Variants in FAM53A observed in about 807,000 individuals in gnomAD.
FAM53A encodes the protein protein FAM53A.
FAM53A carries 28 observed loss-of-function variants against 26.6 expected under a neutral mutation model. The observed-to-expected ratio is 1.05, with a 90% CI of 0.78 to 1.45. FAM53A has a LOEUF of 1.45. Among genes scored for constraint, FAM53A ranks in the 40% most tolerant of loss-of-function variants. The pLI, the probability that FAM53A is intolerant of heterozygous loss-of-function variation, is 0.00. For synonymous variants in FAM53A, 290 were observed against 253.1 expected (o/e 1.15, Z -1.38); for missense variants, 650 against 575.8 (o/e 1.13, Z -1.32).
At chr4:1,599,007 C>T in the FAM53A span, among the ~76,000 whole-genome samples, 1 of 152,270 alleles carries the variant, frequency 6.6e-6, no homozygotes, top group African/African-American at 2.4e-5. This position sits in a 1 kb window ranked among gnomAD's most constrained non-coding sequence, Gnocchi z 6.1. Flanking sequence ...CGTGCGGGTG[C>T]AGCACCGCGT....
intron 2 of FAM53A, among the ~76,000 whole-genome samples, chr4:1,663,169 G>A (rs1713980842): frequency 6.7e-6 from 1 of 149,852 alleles, no homozygotes; most frequent in Non-Finnish European, 1.5e-5. Flanking sequence ...TCCAGCCTGG[G>A]CGAAAGAGCC....
intron 2 of FAM53A, among the ~76,000 whole-genome samples, chr4:1,660,057 A>T (rs908170617): frequency 1.3e-5 from 2 of 151,792 alleles, no homozygotes; most frequent in African/African-American, 4.8e-5. Flanking sequence ...GCACGGCGGG[A>T]GGATCGCTTG....
intron 1 of FAM53A, among the ~76,000 whole-genome samples, chr4:1,677,270 C>T (rs1013870481): frequency 2.6e-5 from 4 of 152,232 alleles, no homozygotes; most frequent in African/African-American, 7.2e-5. Flanking sequence ...CCAGAGACCA[C>T]GTCCTTCCAG....
rs986994893 is a variant in FAM53A, at chr4:1,659,308, T to G, written c.76-1840A>C. ...AAGGCTTTCACGCCACAGGGACCCT[T>G]GTTGCTGTCGATCCTCCCAGCCCCG... On this transcript the variant is annotated intron_variant, in intron 2 of 4. Transcript: ENST00000308132. This position sits in a 1 kb window ranked among gnomAD's most constrained non-coding sequence, Gnocchi z 5.2. Among the ~76,000 whole-genome samples the G allele has an allele frequency of 6.6e-6, 1 of 152,230 alleles. No individual in the cohort carries two copies. The highest frequency in any genetic ancestry group is 2.4e-5 in the African/African-American group (1 of 41,458).
chr4:1,662,468 A>G (rs1242693858), intron 2 of FAM53A, among the ~76,000 whole-genome samples: 2 of 138,910 alleles, frequency 1.4e-5, no homozygotes, highest in Non-Finnish European at 3.1e-5. Context: ...AACAAGGGCA[A>G]GATTCCATCA....
downstream of FAM53A, among the ~76,000 whole-genome samples, chr4:1,637,610 G>C (rs1029965551): frequency 3.3e-5 from 5 of 151,618 alleles, no homozygotes; most frequent in Non-Finnish European, 7.4e-5. Context: ...CCCCAGGAGA[G>C]GGGGAGGGCT....
intron 1 of FAM53A, among the ~76,000 whole-genome samples, chr4:1,631,692 T>TAA (rs200717362): frequency 6.6e-6 from 1 of 151,040 alleles, no homozygotes; most frequent in African/African-American, 2.4e-5. Flanking sequence ...TTCAAGAAGC[T>TAA]AAAAAAAACA....
intron 1 of FAM53A, among the ~76,000 whole-genome samples, chr4:1,680,550 A>G (rs922218599): frequency 3.3e-5 from 5 of 152,182 alleles, no homozygotes; most frequent in African/African-American, 2.4e-5. Context: ...TGTATCCATA[A>G]GTGCCAAAAC....
At chr4:1,598,481 G>A in the FAM53A span, among the ~76,000 whole-genome samples, 1 of 152,250 alleles carries the variant, frequency 6.6e-6, no homozygotes, top group African/African-American at 2.4e-5. Context: ...GAGAAAGGAA[G>A]TGGGTAAGAC....
Position 1,625,170 on chromosome 4 carries a change from C to T in FAM53A, c.432-7059G>A, listed in dbSNP as rs534945779. On this transcript the variant is annotated intron_variant, in intron 1 of 1. Transcript: ENST00000489029. ...TCAGAAGGCCCCACGTCCCGGCCCA[C>T]GTGGTCAGGGGTCACACCAGGTGAT... Among the ~76,000 whole-genome samples the T allele has an allele frequency of 8.7e-3, 265 of 30,522 alleles. 17 individuals carry two copies. The highest frequency in any genetic ancestry group is 0.079 in the African/African-American group (223 of 2,814). The allele number at this position is 30,522 out of a possible 152,430, so 20.0% of individuals were successfully genotyped here.
rs1250128178 is a variant in FAM53A, at chr4:1,684,265, G to A, written c.-197C>T. 3 of 151,106 alleles carry A rather than the reference G, an allele frequency of 2.0e-5. No individual in the cohort carries two copies. The highest frequency in any genetic ancestry group is 1.9e-4 in the South Asian group (1 of 5,154). The allele number at this position is 151,106 out of a possible 1,614,324, so 9.4% of individuals were successfully genotyped here. On this transcript the variant is annotated 5_prime_UTR_variant, in exon 1 of 5. Transcript: ENST00000308132. ...CGGCCGCGGGGGTGCGGAGCGAGAA[G>A]ACTGCCGGCCGCCCAGGCCCCGCTC...
intron 1 of FAM53A, among the ~76,000 whole-genome samples, chr4:1,620,469 T>G (rs1464874773): frequency 6.6e-6 from 1 of 151,794 alleles, no homozygotes; most frequent in Non-Finnish European, 1.5e-5. Flanking sequence ...ACTGGCTGCA[T>G]ACAAAACACC....
chr4:1,603,095 C>A, the FAM53A span, among the ~76,000 whole-genome samples: 3 of 152,196 alleles, frequency 2.0e-5, no homozygotes, highest in Non-Finnish European at 4.4e-5. Flanking sequence ...AAGCCCAGTG[C>A]GGCGGCTCCT....
chr4:1,667,463 G>C (rs1714318814), intron 2 of FAM53A, among the ~76,000 whole-genome samples: 2 of 152,158 alleles, frequency 1.3e-5, no homozygotes, highest in African/African-American at 4.8e-5. Flanking sequence ...GACACAGCCA[G>C]CGCTGCCACG....
intron 1 of FAM53A, among the ~76,000 whole-genome samples, chr4:1,680,341 A>AAC (rs1360657688): frequency 6.0e-5 from 9 of 150,974 alleles, no homozygotes; most frequent in Non-Finnish European, 7.4e-5. Context: ...AAAAAAAAAA[A>AAC]AAAACACACC....
downstream of FAM53A, among the ~76,000 whole-genome samples, chr4:1,636,315 A>G (rs1328300296): frequency 6.6e-6 from 1 of 152,056 alleles, no homozygotes; most frequent in Non-Finnish European, 1.5e-5. Context: ...ATCAAACCTC[A>G]TGTATCCTTA....
At position 1,680,319 on chromosome 4, in the gene FAM53A, CAAAAAAAAA is replaced by C. The variant is rs143458191; in HGVS notation, c.-165+3905_-165+3913del. Among the ~76,000 whole-genome samples the C allele has an allele frequency of 6.0e-3, 500 of 82,688 alleles. 6 individuals are homozygous for C. Among genetic ancestry groups the C allele is most frequent in the African/African-American group, 0.028 (463 of 16,742 alleles). The allele number at this position is 82,688 out of a possible 152,430, so 54.2% of individuals were successfully genotyped here. A position where few individuals can be genotyped will look rare whatever the true frequency, so the allele number is the denominator to read the frequency against. On this transcript the variant is annotated intron_variant, in intron 1 of 4. Transcript: ENST00000308132. ...GGGCAACGAGAGTGAAACTCCGTCT[CAAAAAAAAA>C]AAAAAAAAAAAAAAAAACACACCAC... is the stretch of plus-strand genomic sequence containing the variant.
Position 1,641,036 on chromosome 4 carries a change from A to C in FAM53A, c.*257T>G. 2.0e-6 allele frequency: 1 copy of C among 495,328 alleles called. No homozygotes were observed. The highest frequency in any genetic ancestry group is 2.3e-5 in the African/African-American group (1 of 42,958). The allele number at this position is 495,328 out of a possible 1,614,324, so 30.7% of individuals were successfully genotyped here. On this transcript the variant is annotated 3_prime_UTR_variant, in exon 5 of 5. Transcript: ENST00000308132. ...GCCGGTGGCAGCCGTGGCCCCGACC[A>C]GCTCACAGGAAACCTACTCTGTGCC... is the stretch of plus-strand genomic sequence containing the variant.
At position 1,664,354 on chromosome 4, in the gene FAM53A, G is replaced by A. The variant is rs74549861; in HGVS notation, c.75+4313C>T. On this transcript the variant is annotated intron_variant, in intron 2 of 4. Coordinates refer to ENST00000308132, the MANE Select transcript of FAM53A (RefSeq NM_001174070.3). ...GCCCTGAGCTAACAGCGCCCGCCTC[G>A]CTTGCTCACTGAGGCCGGGCCATGG... Among the ~76,000 whole-genome samples, 19 of 152,230 alleles carry A rather than the reference G, an allele frequency of 1.2e-4. No individual in the cohort carries two copies. The East Asian group carries it at 1.5e-3, about 12-fold the overall frequency.
Sources: allele counts gnomAD v4.1 joint callset (sites outside exome capture counted in the v4.1 genomes callset), GRCh38; gene constraint gnomAD v4.1.1; non-coding constraint Gnocchi (gnomAD v3.1); transcripts MANE v1.5; gene names NCBI Gene and HGNC (gene_info 2026-07-23, HGNC 2026-07-21).